Variants in LMO7 observed in about 807,000 individuals in gnomAD.
The protein encoded by LMO7 is LIM domain only protein 7.
Under a neutral mutation model 206.5 loss-of-function variants are expected in LMO7, and 120 were observed. That is an observed-to-expected ratio of 0.58 (90% CI 0.50 to 0.68). The LOEUF (loss-of-function observed/expected upper bound fraction) is 0.68. Among genes scored for constraint, LMO7 ranks in the 30% least tolerant of loss-of-function variants. The pLI, the probability that LMO7 is intolerant of heterozygous loss-of-function variation, is 0.00. For missense variants in LMO7, 1,959 were observed against 1,957.9 expected (o/e 1.00, Z -0.01); for synonymous variants, 706 against 681.5 (o/e 1.04, Z -0.56).
chr13:75,757,399 T>G (rs547390291), intron 3 of LMO7, among the ~76,000 whole-genome samples: 1 of 152,332 alleles, frequency 6.6e-6, no homozygotes, highest in South Asian at 2.1e-4. Context: ...CTTAAGCTGC[T>G]TAATTTGGGG....
chr13:75,783,753 G>A (rs2051935987), intron 4 of LMO7, among the ~76,000 whole-genome samples: 3 of 152,148 alleles, frequency 2.0e-5, no homozygotes, highest in African/African-American at 7.2e-5. Flanking sequence ...TACTATATAT[G>A]TTTACTGAGT....
intron 19 of LMO7, among the ~76,000 whole-genome samples, chr13:75,836,847 C>T (rs536162461): frequency 1.3e-5 from 2 of 152,230 alleles, no homozygotes; most frequent in Admixed American, 1.3e-4. Context: ...AGCTTGGAGG[C>T]AGTTAGCTGT....
upstream of LMO7, among the ~76,000 whole-genome samples, chr13:75,633,594 A>G (rs2035291039): frequency 6.6e-6 from 1 of 152,154 alleles, no homozygotes. Context: ...GGTTTTTTCA[A>G]TAAGGCAATG....
rs963715074 is a variant in LMO7, at chr13:75,858,706, T to G, written c.*763T>G. 2.6e-5 allele frequency: 4 copies of G among 152,666 alleles called. No homozygotes were observed. Among genetic ancestry groups the G allele is most frequent in the Non-Finnish European group, 5.9e-5 (4 of 68,034 alleles). The allele number at this position is 152,666 out of a possible 1,614,324, so 9.5% of individuals were successfully genotyped here. On this transcript the variant is annotated 3_prime_UTR_variant, in exon 31 of 31. Coordinates refer to ENST00000377534, the MANE Select transcript of LMO7 (RefSeq NM_001306080.2). ...GTGGGTCGTCTTTTTCTTAGGTGTA[T>G]GTGTCTGACCTCAGGCCTTTTAGCC...
upstream of LMO7, among the ~76,000 whole-genome samples, chr13:75,632,862 G>GTTTTTTTTTTTTTTTTTTTTTTTTTTT (rs10690832): frequency 3.4e-3 from 345 of 102,118 alleles, 54 homozygotes; most frequent in Middle Eastern, 7.0e-3. Context: ...TTACTTAAAA[G>GTTTTTTTTTTTTTTTTTTTTTTTTTTT]TTTTTTTTTT....
At chr13:75,849,664 A>G (rs1177607278) in intron 27 of LMO7, among the ~76,000 whole-genome samples, 1 of 152,136 alleles carries the variant, frequency 6.6e-6, no homozygotes, top group African/African-American at 2.4e-5. Flanking sequence ...AACTTCAACA[A>G]ATAGAAGTTT....
intron 1 of LMO7, among the ~76,000 whole-genome samples, chr13:75,661,312 CAG>C (rs1290289940): frequency 7.2e-5 from 11 of 152,164 alleles, no homozygotes; most frequent in Admixed American, 5.2e-4. Flanking sequence ...TACTTTTAGA[CAG>C]AGAGAGTAGT....
At chr13:75,630,154 T>C (rs1476337233) in intron 2 of LMO7, among the ~76,000 whole-genome samples, 1 of 152,266 alleles carries the variant, frequency 6.6e-6, no homozygotes, top group African/African-American at 2.4e-5. Flanking sequence ...ACTGTGTTTT[T>C]TAACATTTGT....
At chr13:75,755,619 G>A (rs1001899579) in intron 3 of LMO7, among the ~76,000 whole-genome samples, 2 of 152,066 alleles carry the variant, frequency 1.3e-5, no homozygotes, top group Non-Finnish European at 2.9e-5. Flanking sequence ...GTTTCTCATG[G>A]GCTGCAAACC....
At position 75,840,051 on chromosome 13, in the gene LMO7, T is replaced by A. The variant is rs755261609; in HGVS notation, c.3452-34T>A. 2.5e-6 allele frequency: 4 copies of A among 1,607,186 alleles called. No individual in the cohort carries two copies. In the Admixed American group the frequency reaches 5.0e-5, roughly 20 times the overall value. On this transcript the variant is annotated intron_variant, in intron 20 of 30. Coordinates refer to ENST00000377534, the MANE Select transcript of LMO7 (RefSeq NM_001306080.2). ...CATAGAAATGAAGACTTATATTGTATATTTTTCTTCCTTGCCCATGTGCTG... is the reference window on the plus strand; with the variant it reads ...CATAGAAATGAAGACTTATATTGTAAATTTTTCTTCCTTGCCCATGTGCTG...
intron 3 of LMO7, among the ~76,000 whole-genome samples, chr13:75,733,417 G>T (rs1303634329): frequency 6.6e-6 from 1 of 152,238 alleles, no homozygotes; most frequent in African/African-American, 2.4e-5. Context: ...CGTGGGCGTA[G>T]GACCCTCCGA....
chr13:75,789,078 GT>G (rs1406386614), intron 4 of LMO7: 1 of 152,264 alleles, frequency 6.6e-6, no homozygotes, highest in Non-Finnish European at 1.5e-5. Context: ...GAAGCTGGGT[GT>G]GGGGGCAGGT....
At chr13:75,776,776 T>C (rs1246075838) in intron 4 of LMO7, among the ~76,000 whole-genome samples, 1 of 152,208 alleles carries the variant, frequency 6.6e-6, no homozygotes, top group African/African-American at 2.4e-5. Flanking sequence ...CACTGTTTTA[T>C]TTGAACTTAC....
intron 6 of LMO7, among the ~76,000 whole-genome samples, chr13:75,799,765 G>A (rs967595100): frequency 6.6e-6 from 1 of 152,106 alleles, no homozygotes; most frequent in Admixed American, 6.6e-5. Context: ...AAAAATTATA[G>A]TTACGAGATA....
intron 4 of LMO7, among the ~76,000 whole-genome samples, chr13:75,775,716 CT>C (rs1373708954): frequency 6.6e-6 from 1 of 152,034 alleles, no homozygotes; most frequent in Non-Finnish European, 1.5e-5. Flanking sequence ...CTCAACATCA[CT>C]GATCATCAGA....
chr13:75,782,763 A>C (rs568554377), intron 4 of LMO7, among the ~76,000 whole-genome samples: 2 of 152,266 alleles, frequency 1.3e-5, no homozygotes, highest in South Asian at 2.1e-4. Flanking sequence ...TCACTGCTCC[A>C]ATCTCTGCCT....
intron 15 of LMO7, 96 bp from the exon 16 acceptor site, chr13:75,832,955 C>G (rs2058798365): frequency 1.1e-5 from 7 of 649,546 alleles, no homozygotes; most frequent in Non-Finnish European, 1.7e-5. Context: ...TGATTCAAGT[C>G]TACCTAGCGT....
At chr13:75,672,733 C>A (rs749378765) in intron 1 of LMO7, among the ~76,000 whole-genome samples, 53 of 152,054 alleles carry the variant, frequency 3.5e-4, no homozygotes, top group Non-Finnish European at 3.1e-4. Context: ...TTCTGTTACC[C>A]CATTCTTGTT....
chr13:75,669,354 A>G (rs1041144879), intron 1 of LMO7, among the ~76,000 whole-genome samples: 2 of 152,056 alleles, frequency 1.3e-5, no homozygotes, highest in Non-Finnish European at 2.9e-5. Context: ...TATCAAACTA[A>G]CAGTTCAGAA....
Sources: gnomAD v4.1 joint callset for allele counts (sites outside exome capture counted in the v4.1 genomes callset) on GRCh38, gnomAD v4.1.1 for gene constraint, MANE v1.5 for transcripts, NCBI Gene and HGNC (gene_info 2026-07-23, HGNC 2026-07-21) for gene names.